Variants in VPS8 observed in about 807,000 individuals in gnomAD.
VPS8 encodes the protein VPS8 subunit of CORVET complex, also known as vacuolar protein sorting-associated protein 8 homolog.
A neutral mutation model predicts 216.4 loss-of-function variants in VPS8; 129 were observed. The ratio of observed to expected loss-of-function variants is 0.60; its 90% CI spans 0.52 to 0.69. The LOEUF (loss-of-function observed/expected upper bound fraction) is 0.69. Ranked by LOEUF, VPS8 falls within the 30% of genes least tolerant of loss-of-function variation. The probability of loss-of-function intolerance (pLI) is 0.00; values close to 1 mark genes in which losing one functional copy is unlikely to be tolerated. For missense variants in VPS8, 1,531 were observed against 1,683.5 expected (o/e 0.91, Z 1.59); for synonymous variants, 571 against 565.4 (o/e 1.01, Z -0.14).
intron 45 of VPS8, among the ~76,000 whole-genome samples, chr3:185,001,481 G>A (rs1021383859): frequency 1.1e-4 from 16 of 152,190 alleles, no homozygotes; most frequent in East Asian, 1.9e-4. Flanking sequence ...GGGCAAGGTT[G>A]GGGAGGGGGA....
chr3:185,034,544 T>C (rs753019987), intron 46 of VPS8, among the ~76,000 whole-genome samples: 1 of 152,222 alleles, frequency 6.6e-6, no homozygotes, highest in Non-Finnish European at 1.5e-5. Context: ...TAGGTCTTTG[T>C]TGGATGCATA....
intron 28 of VPS8, among the ~76,000 whole-genome samples, chr3:184,915,866 G>A (rs1488377205): frequency 6.6e-6 from 1 of 152,134 alleles, no homozygotes; most frequent in African/African-American, 2.4e-5. Flanking sequence ...TAATTCTTAT[G>A]CAGGTACAGT....
At chr3:184,982,328 G>C (rs1050284012) in intron 40 of VPS8, 7 of 476,282 alleles carry the variant, frequency 1.5e-5, no homozygotes, top group African/African-American at 1.4e-4. Context: ...GCCTCCTTAC[G>C]TTTCCCAGGG....
intron 6 of VPS8, 29 bp from the exon 7 acceptor site, chr3:184,839,669 T>TA: frequency 1.3e-6 from 2 of 1,583,184 alleles, no homozygotes; most frequent in South Asian, 1.2e-5. Context: ...TGTAATGTCT[T>TA]AAAACGTAAT....
intron 40 of VPS8, among the ~76,000 whole-genome samples, chr3:184,972,504 A>C (rs1306557713): frequency 2.6e-5 from 4 of 152,228 alleles, no homozygotes; most frequent in Non-Finnish European, 4.4e-5. Context: ...CCTTGGTTGC[A>C]CACTAGAGTC....
chr3:184,925,840 C>T (rs575235430), intron 30 of VPS8, among the ~76,000 whole-genome samples: 33 of 146,114 alleles, frequency 2.3e-4, no homozygotes, highest in Non-Finnish European at 4.2e-4. Flanking sequence ...GCAGCACGAT[C>T]TTGGCTCACT....
intron 35 of VPS8, among the ~76,000 whole-genome samples, chr3:184,936,827 T>G (rs1318334844): frequency 1.3e-5 from 2 of 150,914 alleles, no homozygotes; most frequent in East Asian, 3.9e-4. Flanking sequence ...GAGCTCCGCC[T>G]CCCGGGTTCA....
At chr3:184,934,700 T>A (rs1027531181) in intron 34 of VPS8, among the ~76,000 whole-genome samples, 9 of 152,202 alleles carry the variant, frequency 5.9e-5, no homozygotes, top group Non-Finnish European at 1.3e-4. Flanking sequence ...TAAACCAACC[T>A]TGATTTTTGC....
Position 184,855,799 on chromosome 3 carries a change from ATGT to A in VPS8, c.1129_1131del (p.Val377del), listed in dbSNP as rs755233318. 11 of 1,612,744 alleles carry A rather than the reference ATGT, an allele frequency of 6.8e-6. No individual in the cohort carries two copies. The highest frequency in any genetic ancestry group is 1.3e-5 in the African/African-American group (1 of 74,746). Reference sequence around the variant, plus strand: ...CCCATGCTTGCCTTCTGCAGAGGAGATGTTGTTCATTTTCTATTGGTAAGTCCT... The same window carrying A: ...CCCATGCTTGCCTTCTGCAGAGGAGATGTTCATTTTCTATTGGTAAGTCCT... On this transcript the variant is annotated inframe_deletion, in exon 14 of 48. Coordinates refer to ENST00000625842, the MANE Select transcript of VPS8 (RefSeq NM_001009921.3).
At chr3:184,924,582 C>A (rs145837975) in intron 29 of VPS8, among the ~76,000 whole-genome samples, 1 of 152,154 alleles carries the variant, frequency 6.6e-6, no homozygotes, top group East Asian at 1.9e-4. Context: ...ATTAATATTT[C>A]TTTGAAATAC....
intron 19 of VPS8, 116 bp downstream of exon 19, chr3:184,869,152 A>G (rs1727894823): frequency 5.2e-6 from 5 of 962,848 alleles, no homozygotes; most frequent in Non-Finnish European, 7.8e-6. Context: ...TATAAACAGG[A>G]TGCTAATTAA....
intron 46 of VPS8, among the ~76,000 whole-genome samples, chr3:185,031,364 C>G (rs6774899): frequency 0.52 from 79,437 of 151,956 alleles, 21,618 homozygotes; most frequent in East Asian, 0.67. Flanking sequence ...AGCCCTTGAT[C>G]GATATAGATG....
chr3:184,997,045 C>T (rs1752709035), intron 44 of VPS8, among the ~76,000 whole-genome samples: 2 of 152,148 alleles, frequency 1.3e-5, no homozygotes, highest in Admixed American at 1.3e-4. Flanking sequence ...TGTTAGACAT[C>T]AGGTAGGGAT....
intron 42 of VPS8, among the ~76,000 whole-genome samples, chr3:184,989,509 C>G (rs1158630959): frequency 6.6e-6 from 1 of 152,058 alleles, no homozygotes; most frequent in African/African-American, 2.4e-5. Flanking sequence ...AAGCCATCCT[C>G]CCGCCTCTGC....
intron 42 of VPS8, among the ~76,000 whole-genome samples, chr3:184,990,468 C>T (rs7647886): frequency 0.9 from 137,239 of 152,214 alleles, 62,879 homozygotes; most frequent in Non-Finnish European, 0.98. Context: ...AGTTGACTCC[C>T]TCACCTAATG....
intron 36 of VPS8, among the ~76,000 whole-genome samples, chr3:184,947,216 G>A (rs1399483701): frequency 4.6e-5 from 7 of 152,164 alleles, no homozygotes; most frequent in African/African-American, 1.7e-4. Context: ...AGATAGAGGC[G>A]GGAGCAGAGA....
At chr3:185,010,528 A>G (rs1754865710) in intron 45 of VPS8, among the ~76,000 whole-genome samples, 1 of 152,184 alleles carries the variant, frequency 6.6e-6, no homozygotes, top group Non-Finnish European at 1.5e-5. Flanking sequence ...GAATACGTCA[A>G]ATGGAAATAT....
At chr3:184,982,434 T>C in intron 40 of VPS8, 132 bp from the exon 41 acceptor site, 2 of 614,038 alleles carry the variant, frequency 3.3e-6, no homozygotes, top group South Asian at 4.9e-5. Flanking sequence ...TTTTTTCTAA[T>C]GTTTACCAAC....
At chr3:184,851,465 ATG>A (rs10657242) in intron 10 of VPS8, among the ~76,000 whole-genome samples, 6 of 151,008 alleles carry the variant, frequency 4.0e-5, no homozygotes, top group South Asian at 2.1e-4. Flanking sequence ...ATGGATATTT[ATG>A]TGTGTGTGTG....
Sources: allele counts gnomAD v4.1 joint callset (sites outside exome capture counted in the v4.1 genomes callset), GRCh38; gene constraint gnomAD v4.1.1; transcripts MANE v1.5; gene names NCBI Gene and HGNC (gene_info 2026-07-23, HGNC 2026-07-21).